The following RIMS1 variants were observed in gnomAD, a reference collection of about 807,000 sequenced individuals.
RIMS1 encodes regulating synaptic membrane exocytosis protein 1.
A neutral mutation model predicts 214.1 loss-of-function variants in RIMS1; 83 were observed. The ratio of observed to expected loss-of-function variants is 0.39; its 90% confidence interval spans 0.32 to 0.47. The LOEUF is 0.47. Among genes scored for constraint, RIMS1 ranks in the 20% least tolerant of loss-of-function variants. RIMS1 has a pLI of 0.99. For missense variants in RIMS1, 2,050 were observed against 2,161.8 expected, an observed-to-expected ratio of 0.95 and a Z score of 1.03; for synonymous variants, 793 against 786.8, an observed-to-expected ratio of 1.01 and a Z score of -0.13.
chr6:71,911,571 A>G (rs533512691), intron 1 of RIMS1, among the ~76,000 whole-genome samples: 1 of 152,262 alleles, frequency 6.6e-6, no homozygotes, highest in African/African-American at 2.4e-5. Flanking sequence ...TTAGCACTGG[A>G]AATATAAACA....
chr6:72,316,683 A>T, intron 28 of RIMS1: 1 of 600,452 alleles, frequency 1.7e-6, no homozygotes, highest in South Asian at 1.5e-5. Context: ...AGATGCTTTT[A>T]TTGGGTGGCA....
At chr6:72,380,235 C>T (rs558408335) in intron 29 of RIMS1, among the ~76,000 whole-genome samples, 15 of 152,064 alleles carry the variant, frequency 9.9e-5, no homozygotes, top group East Asian at 1.9e-4. Flanking sequence ...CGTCACACAC[C>T]GGGGTTTGTC....
intron 1 of RIMS1, among the ~76,000 whole-genome samples, chr6:71,914,417 A>G (rs1350142292): frequency 6.6e-6 from 1 of 152,054 alleles, no homozygotes; most frequent in Non-Finnish European, 1.5e-5. Context: ...AGAACAAATA[A>G]CACAGTCAGA....
chr6:72,388,451 G>A (rs993493584), intron 29 of RIMS1, among the ~76,000 whole-genome samples: 2 of 152,114 alleles, frequency 1.3e-5, no homozygotes, highest in South Asian at 4.1e-4. Context: ...TAACAATTTT[G>A]GATTTTCATT....
intron 28 of RIMS1, among the ~76,000 whole-genome samples, chr6:72,329,645 A>C (rs199914811): frequency 0.059 from 8,994 of 151,778 alleles, 433 homozygotes; most frequent in East Asian, 0.27. Context: ...AGAGAGTCAA[A>C]TGACCCTTAG....
chr6:71,911,805 A>T (rs1196170761), intron 1 of RIMS1, among the ~76,000 whole-genome samples: 2 of 152,156 alleles, frequency 1.3e-5, no homozygotes, highest in Non-Finnish European at 2.9e-5. Context: ...ATGAGTCAGT[A>T]TATAGCAAGA....
chr6:71,997,271 GAAT>G (rs1348176885), intron 2 of RIMS1, among the ~76,000 whole-genome samples: 2 of 151,954 alleles, frequency 1.3e-5, no homozygotes, highest in African/African-American at 2.4e-5. Flanking sequence ...CTTCATTTTA[GAAT>G]AATAAGAACT....
chr6:72,223,904 C>T (rs578024977), intron 6 of RIMS1, among the ~76,000 whole-genome samples: 2 of 146,770 alleles, frequency 1.4e-5, no homozygotes, highest in East Asian at 4.1e-4. Flanking sequence ...GCCGAGATCG[C>T]GCCACTGCAC....
chr6:72,034,662 G>T (rs983498551), intron 2 of RIMS1, among the ~76,000 whole-genome samples: 1 of 151,870 alleles, frequency 6.6e-6, no homozygotes, highest in African/African-American at 2.4e-5. Flanking sequence ...CTAGGAATCT[G>T]GAGTTGCAAG....
At chr6:71,945,897 C>T (rs1787666029) in intron 1 of RIMS1, among the ~76,000 whole-genome samples, 1 of 151,976 alleles carries the variant, frequency 6.6e-6, no homozygotes, top group African/African-American at 2.4e-5. Flanking sequence ...TTACAGGTAC[C>T]TGCCACTACG....
rs189052778 is a variant in RIMS1, at chr6:72,298,767, C to G, written c.3850+6721C>G. Among the ~76,000 whole-genome samples, 39 of 152,048 alleles carry G rather than the reference C, an allele frequency of 2.6e-4. No homozygotes were observed. In the East Asian group the frequency reaches 7.5e-3, roughly 29 times the overall value. Reference sequence around the variant, plus strand: ...TGGAGAAGCCCACTTAGTTTCTCCTCCCTTTCCCTATTGACCCAATTTTGC... The same window carrying G: ...TGGAGAAGCCCACTTAGTTTCTCCTGCCTTTCCCTATTGACCCAATTTTGC... On this transcript the variant is annotated intron_variant, in intron 26 of 33. Coordinates refer to ENST00000521978, the MANE Select transcript of RIMS1 (RefSeq NM_014989.7).
At chr6:72,004,480 C>T (rs1332011775) in intron 2 of RIMS1, among the ~76,000 whole-genome samples, 7 of 151,822 alleles carry the variant, frequency 4.6e-5, no homozygotes, top group Non-Finnish European at 7.4e-5. Flanking sequence ...GTTTACAGTC[C>T]CACCAACAGT....
At chr6:71,956,499 T>C (rs1361994646) in intron 1 of RIMS1, among the ~76,000 whole-genome samples, 1 of 152,182 alleles carries the variant, frequency 6.6e-6, no homozygotes, top group African/African-American at 2.4e-5. Flanking sequence ...ATTTGTAATA[T>C]AAGAGGAATA....
At position 72,251,239 on chromosome 6, in the gene RIMS1, CT is replaced by C; in HGVS notation, c.2573del (p.Leu858Ter). 1 of 1,598,448 alleles carries C rather than the reference CT, an allele frequency of 6.3e-7. No homozygotes were observed. ...GATCCTCATAGAATTGGAGACAGCG[CT>C]TTTAGATGATGAACCGCATTGGTAT... ...GEILIELETA[L>X]LDDEPHWYKL... is the part of the protein sequence containing the mutation. On this transcript the variant is annotated frameshift_variant, in exon 15 of 34. Coordinates refer to ENST00000521978, the MANE Select transcript of RIMS1 (RefSeq NM_014989.7). LOFTEE classifies it high-confidence loss of function.
At chr6:72,231,745 A>G (rs770190499) in intron 6 of RIMS1, among the ~76,000 whole-genome samples, 1 of 151,698 alleles carries the variant, frequency 6.6e-6, no homozygotes, top group Non-Finnish European at 1.5e-5. Flanking sequence ...GAGTATCACC[A>G]TTGAATCTTA....
At chr6:72,391,983 A>G (rs1391096567) in intron 30 of RIMS1, among the ~76,000 whole-genome samples, 1 of 152,224 alleles carries the variant, frequency 6.6e-6, no homozygotes, top group Non-Finnish European at 1.5e-5. Context: ...AAAAGAAATA[A>G]TAGATGTGAA....
chr6:72,029,531 C>A (rs960763104), intron 2 of RIMS1, among the ~76,000 whole-genome samples: 1 of 152,116 alleles, frequency 6.6e-6, no homozygotes, highest in East Asian at 1.9e-4. Flanking sequence ...ACAGGGCCCT[C>A]ACCAGACACT....
chr6:72,079,140 G>C (rs1050644751), intron 2 of RIMS1, among the ~76,000 whole-genome samples: 1 of 152,098 alleles, frequency 6.6e-6, no homozygotes, highest in Non-Finnish European at 1.5e-5. Flanking sequence ...GGACTAAAAA[G>C]GTATGACCAC....
chr6:72,372,696 G>A lies in RIMS1; in HGVS notation c.4367-17902G>A, dbSNP rs192397427. 1.4e-4 allele frequency among the ~76,000 whole-genome samples: 21 copies of A among 152,262 alleles called. No individual in the cohort carries two copies. The East Asian group carries it at 3.5e-3, about 25-fold the overall frequency. ...AAATCTCCCTGTTTCTAAGAACATC[G>A]GAAAGAACTAAAAGTGGTTTCTCTG... On this transcript the variant is annotated intron_variant, in intron 29 of 33. Transcript: ENST00000521978.
Sources: gnomAD v4.1 joint callset for allele counts (sites outside exome capture counted in the v4.1 genomes callset) on GRCh38, gnomAD v4.1.1 for gene constraint, MANE v1.5 for transcripts, NCBI Gene and HGNC (gene_info 2026-07-23, HGNC 2026-07-21) for gene names.